Variants in ZC3H12C observed in about 807,000 individuals in gnomAD.
ZC3H12C encodes probable ribonuclease ZC3H12C.
In ZC3H12C, 20 loss-of-function variants were observed where a neutral mutation model predicts 76.3. The observed-to-expected ratio is 0.26, with a 90% CI of 0.18 to 0.38. ZC3H12C has a LOEUF of 0.38. Ranked by LOEUF, ZC3H12C falls within the 10% of genes least tolerant of loss-of-function variation. ZC3H12C has a pLI of 1.00. For synonymous variants in ZC3H12C, 352 were observed against 399.6 expected (o/e 0.88, Z 1.42); for missense variants, 874 against 1,086.5 (o/e 0.80, Z 2.75).
rs767492568 is a variant in ZC3H12C, at chr11:110,165,249, C to G, written c.2164C>G (p.Pro722Ala). The G allele has an allele frequency of 1.2e-6, 2 of 1,614,004 alleles. No homozygotes were observed. The highest frequency in any genetic ancestry group is 2.2e-5 in the East Asian group (1 of 44,878). ...HSAVGARSSC[P>A]GDYPSPPSSA... Reference sequence around the variant, plus strand: ...CGCTGTGGGCGCCCGGTCCAGCTGTCCTGGCGACTACCCCTCTCCTCCAAG... The same window carrying G: ...CGCTGTGGGCGCCCGGTCCAGCTGTGCTGGCGACTACCCCTCTCCTCCAAG... The change falls in exon 6 of 6, where the codon CCT becomes GCT. Residue 722 changes from proline to alanine, a missense_variant. Physicochemically the swap from Pro to Ala is conservative, Grantham distance 27 (BLOSUM62 -1). Around this residue, in one of 3 missense-constraint regions of ZC3H12C, gnomAD observed 395 missense variants for 434.4 expected, o/e 0.91. Transcript: ENST00000278590.
chr11:110,112,283 T>C (rs887738242), intron 1 of ZC3H12C, among the ~76,000 whole-genome samples: 4 of 152,146 alleles, frequency 2.6e-5, no homozygotes, highest in Non-Finnish European at 5.9e-5. Flanking sequence ...ACTGCAGCCT[T>C]GACTTCCCGG....
chr11:110,107,117 T>C (rs1861343871), intron 1 of ZC3H12C, among the ~76,000 whole-genome samples: 1 of 152,240 alleles, frequency 6.6e-6, no homozygotes, highest in Admixed American at 6.5e-5. Context: ...CCTTAAATTA[T>C]TAAATCCCTA....
At chr11:110,154,791 C>T (rs550659172) in intron 3 of ZC3H12C, among the ~76,000 whole-genome samples, 29 of 81,924 alleles carry the variant, frequency 3.5e-4, no homozygotes, top group African/African-American at 1.2e-3. Flanking sequence ...AAAAATCCAA[C>T]AAAGAATCAT....
At chr11:110,161,671 T>C (rs1862484453) in intron 4 of ZC3H12C, among the ~76,000 whole-genome samples, 1 of 152,342 alleles carries the variant, frequency 6.6e-6, no homozygotes, top group South Asian at 2.1e-4. Flanking sequence ...AAAAATCTCA[T>C]TTCTTGGAAT....
intron 1 of ZC3H12C, among the ~76,000 whole-genome samples, chr11:110,127,909 A>AGAG (rs71053859): frequency 1.3e-5 from 2 of 148,484 alleles, no homozygotes; most frequent in African/African-American, 5.0e-5. Context: ...AAAAAAAAAA[A>AGAG]AGAGATTACA....
rs773580743 is a variant in ZC3H12C, at chr11:110,168,198, T to C, written c.*2461T>C. 6 of 152,224 alleles carry C rather than the reference T, an allele frequency of 3.9e-5. No individual in the cohort carries two copies. Among genetic ancestry groups the C allele is most frequent in the Non-Finnish European group, 7.4e-5 (5 of 68,000 alleles). 9.4% of individuals were successfully genotyped at this position (152,224 alleles called of 1,614,324 possible). ...TCATGGATTTTAAATTATGGGAAAA[T>C]AGTGTAGCCAGCTGCCACCTCTACT... On this transcript the variant is annotated 3_prime_UTR_variant, in exon 6 of 6. Transcript: ENST00000278590.
chr11:110,098,668 C>CTTATTGTG (rs1043411203), intron 1 of ZC3H12C, among the ~76,000 whole-genome samples: 3 of 152,174 alleles, frequency 2.0e-5, no homozygotes, highest in African/African-American at 7.2e-5. Flanking sequence ...TACACAAAGA[C>CTTATTGTG]TTATTGTGTT....
chr11:110,162,068 G>A (rs573812768), intron 4 of ZC3H12C, among the ~76,000 whole-genome samples: 69 of 152,262 alleles, frequency 4.5e-4, no homozygotes, highest in Middle Eastern at 3.4e-3. Context: ...CCAGGGGGGC[G>A]GAGGTTGCAG....
chr11:110,145,462 G>A (rs1469929026), intron 2 of ZC3H12C, among the ~76,000 whole-genome samples: 1 of 152,128 alleles, frequency 6.6e-6, no homozygotes. Context: ...ACCTGAAACT[G>A]AGTAGGCATT....
At chr11:110,112,998 C>T (rs374593490) in intron 1 of ZC3H12C, among the ~76,000 whole-genome samples, 8 of 77,952 alleles carry the variant, frequency 1.0e-4, no homozygotes, top group Non-Finnish European at 2.2e-4. Flanking sequence ...ATCGCCCCCC[C>T]CTACCAAAAA....
intron 1 of ZC3H12C, among the ~76,000 whole-genome samples, chr11:110,122,302 A>T (rs1210810127): frequency 6.6e-6 from 1 of 152,138 alleles, no homozygotes; most frequent in Non-Finnish European, 1.5e-5. Flanking sequence ...TAATTTCAAG[A>T]TATCTTATGT....
rs781138402 is a variant in ZC3H12C at position 110,159,484 on chromosome 11, A to G, written c.1142A>G (p.Asn381Ser). ...DERLLMYSFV[N>S]DKFMPPDDPL... Reference sequence around the variant, plus strand: ...CGATTATTAATGTATTCATTTGTCAATGACAAGTAAGTAAAACCATTTACT... The same window carrying G: ...CGATTATTAATGTATTCATTTGTCAGTGACAAGTAAGTAAAACCATTTACT... Residue 381 changes from asparagine to serine, a missense_variant, in exon 4 of 6, where the codon AAT becomes AGT. By Grantham distance (46) the Asn-to-Ser change is conservative. Around this residue, in one of 3 missense-constraint regions of ZC3H12C, gnomAD observed 269 missense variants for 424.9 expected, o/e 0.63. Transcript: ENST00000278590. The G allele has an allele frequency of 7.5e-6, 12 of 1,602,114 alleles. No homozygotes were observed. The highest frequency in any genetic ancestry group is 1.0e-5 in the Non-Finnish European group (12 of 1,173,344).
chr11:110,162,972 T>C (rs1862507913), intron 4 of ZC3H12C, among the ~76,000 whole-genome samples: 1 of 152,184 alleles, frequency 6.6e-6, no homozygotes, highest in African/African-American at 2.4e-5. Flanking sequence ...CTGAAATCGT[T>C]TTCTAAAACC....
Position 110,130,912 on chromosome 11 carries a change from C to T in ZC3H12C, c.22-5751C>T, listed in dbSNP as rs1861852901. ...GGTTGTCTTGCATCTGCCCGGCCAA[C>T]TAATTGTGAGCTTTCTGGCCTATGA... On this transcript the variant is annotated intron_variant, in intron 1 of 5. Coordinates refer to ENST00000278590, the MANE Select transcript of ZC3H12C (RefSeq NM_033390.2). 9.0e-6 allele frequency: 9 copies of T among 996,300 alleles called. No homozygotes were observed. The East Asian group carries it at 2.4e-4, about 26-fold the overall frequency. 61.7% of individuals were successfully genotyped at this position (996,300 alleles called of 1,614,324 possible). A position where few individuals can be genotyped will look rare whatever the true frequency, so the allele number is the denominator to read the frequency against.
intron 1 of ZC3H12C, among the ~76,000 whole-genome samples, chr11:110,134,216 G>A (rs1861914539): frequency 2.0e-5 from 3 of 152,012 alleles, no homozygotes; most frequent in African/African-American, 4.8e-5. Flanking sequence ...CAATGATGTC[G>A]GAGCTTCCAG....
rs115749775 is a variant in ZC3H12C, at chr11:110,126,707, G to A, written c.22-9956G>A. ...GAAGTATGAGCAGAAAATGTGTTTG[G>A]AACTTTTTTCATTTGCACTGCATGT... On this transcript the variant is annotated intron_variant, in intron 1 of 5. Coordinates refer to ENST00000278590, the MANE Select transcript of ZC3H12C (RefSeq NM_033390.2). 5.0e-3 allele frequency among the ~76,000 whole-genome samples: 762 copies of A among 152,108 alleles called. 10 individuals carry two copies. Among genetic ancestry groups the A allele is most frequent in the African/African-American group, 0.018 (741 of 41,494 alleles).
At chr11:110,109,155 T>C (rs1321069154) in intron 1 of ZC3H12C, among the ~76,000 whole-genome samples, 3 of 152,218 alleles carry the variant, frequency 2.0e-5, no homozygotes, top group Admixed American at 6.5e-5. Context: ...CATAGACCAG[T>C]TGGGATGCCT....
rs573473793 is a variant in ZC3H12C, at chr11:110,154,937, A to C, written c.913+1879A>C. Among the ~76,000 whole-genome samples the C allele has an allele frequency of 2.0e-4, 30 of 152,248 alleles. No homozygotes were observed. The South Asian group carries it at 6.0e-3, about 31-fold the overall frequency. Reference sequence around the variant, plus strand: ...ACCAAATAAGAAGAAAAAAAGTTCAACCCCATTAGTAATTAAATAAATGCA... The same window carrying C: ...ACCAAATAAGAAGAAAAAAAGTTCACCCCCATTAGTAATTAAATAAATGCA... On this transcript the variant is annotated intron_variant, in intron 3 of 5. Coordinates refer to ENST00000278590, the MANE Select transcript of ZC3H12C (RefSeq NM_033390.2).
chr11:110,161,170 A>G (rs1862473617), intron 4 of ZC3H12C, among the ~76,000 whole-genome samples: 1 of 152,190 alleles, frequency 6.6e-6, no homozygotes, highest in South Asian at 2.1e-4. Flanking sequence ...ATCGAGTATT[A>G]TGCGCAGTCC....
Sources: gnomAD v4.1 joint callset for allele counts (sites outside exome capture counted in the v4.1 genomes callset) on GRCh38, gnomAD v4.1.1 for gene constraint, gnomAD v4.1.1 regional missense constraint, MANE v1.5 for transcripts, NCBI Gene and HGNC (gene_info 2026-07-23, HGNC 2026-07-21) for gene names.